CNIH3: variants seen among roughly 807,000 people sequenced by gnomAD.
The protein encoded by CNIH3 is cornichon family AMPA receptor auxiliary protein 3, also known as protein cornichon homolog 3.
In CNIH3, 14 loss-of-function variants were observed where a neutral mutation model predicts 24.1. The ratio of observed to expected loss-of-function variants is 0.58; its 90% CI spans 0.38 to 0.91. CNIH3 has a LOEUF of 0.91. Ranked by LOEUF, CNIH3 falls within the 40% of genes least tolerant of loss-of-function variation. The pLI is 0.00. For missense variants in CNIH3, 178 were observed against 196.8 expected, an observed-to-expected ratio of 0.90 and a Z score of 0.57; for synonymous variants, 68 against 73.8, an observed-to-expected ratio of 0.92 and a Z score of 0.40.
chr1:224,591,263 C>T (rs978520689), downstream of CNIH3, among the ~76,000 whole-genome samples: 22 of 152,286 alleles, frequency 1.4e-4, no homozygotes, highest in Admixed American at 1.4e-3. Context: ...AGCCACTGTT[C>T]TCTCAGTACT....
At chr1:224,524,804 C>A (rs1678781082) in intron 2 of CNIH3, among the ~76,000 whole-genome samples, 1 of 152,122 alleles carries the variant, frequency 6.6e-6, no homozygotes, top group Admixed American at 6.5e-5. Context: ...GTCTTCCCAA[C>A]CGAGATTGTG....
At chr1:224,570,495 A>AT (rs1329669521) in intron 4 of CNIH3, among the ~76,000 whole-genome samples, 1 of 152,158 alleles carries the variant, frequency 6.6e-6, no homozygotes, top group Non-Finnish European at 1.5e-5. Context: ...AAAGGACATG[A>AT]TTTTGTTCTT....
rs1036089101 is a variant in CNIH3, at chr1:224,647,341, C to T, written c.81+30086C>T. On this transcript the variant is annotated intron_variant, in intron 1 of 5. Coordinates refer to ENST00000272133, the MANE Select transcript of CNIH3 (RefSeq NM_152495.2). Reference sequence around the variant, plus strand: ...TAATTAAAGGGGGCTTGAATTCCTCCGATAAAAAGTTTATTCTTCAGACCA... The same window carrying T: ...TAATTAAAGGGGGCTTGAATTCCTCTGATAAAAAGTTTATTCTTCAGACCA... Among the ~76,000 whole-genome samples, 12 of 152,150 alleles carry T rather than the reference C, an allele frequency of 7.9e-5. No homozygotes were observed. In the South Asian group the frequency reaches 1.0e-3, roughly 13 times the overall value.
At chr1:224,462,573 A>G (rs935533100) in intron 1 of CNIH3, among the ~76,000 whole-genome samples, 3 of 150,728 alleles carry the variant, frequency 2.0e-5, no homozygotes, top group Non-Finnish European at 4.4e-5. Context: ...GCCTCAAGCA[A>G]TCCGCCCGCC....
Position 224,739,382 on chromosome 1 carries a change from G to A in CNIH3, c.*26G>A, listed in dbSNP as rs148695032. 6.4e-7 allele frequency: 1 copy of A among 1,565,224 alleles called. No homozygotes were observed. The highest frequency in any genetic ancestry group is 8.6e-7 in the Non-Finnish European group (1 of 1,156,784). On this transcript the variant is annotated 3_prime_UTR_variant, in exon 6 of 6. Coordinates refer to ENST00000272133, the MANE Select transcript of CNIH3 (RefSeq NM_152495.2). The stretch of plus-strand genomic sequence containing the variant: ...CGCAAAGACCATGCACATCATCAGA[G>A]ACTGAGATGGGAGAGGCCTGAGACG...
intron 1 of CNIH3, among the ~76,000 whole-genome samples, chr1:224,502,885 G>A (rs538528516): frequency 2.4e-4 from 36 of 152,322 alleles, no homozygotes; most frequent in Middle Eastern, 3.4e-3. Flanking sequence ...GTGGAGGGAA[G>A]GGTGAGATGT....
chr1:224,641,885 T>C (rs1012694259), intron 1 of CNIH3, among the ~76,000 whole-genome samples: 2 of 152,224 alleles, frequency 1.3e-5, no homozygotes, highest in Non-Finnish European at 2.9e-5. Flanking sequence ...TCAAGTTGTA[T>C]TTGTAAAACT....
intron 3 of CNIH3, among the ~76,000 whole-genome samples, chr1:224,688,893 C>G (rs924866177): frequency 7.3e-5 from 11 of 150,710 alleles, no homozygotes; most frequent in East Asian, 3.9e-4. Flanking sequence ...CCATTGCACT[C>G]CAGCCTGGGC....
intron 3 of CNIH3, among the ~76,000 whole-genome samples, chr1:224,700,408 A>G (rs1457141982): frequency 6.6e-6 from 1 of 152,198 alleles, no homozygotes; most frequent in Non-Finnish European, 1.5e-5. Context: ...CTGCAACAGG[A>G]TCTCTGCACT....
At chr1:224,615,502 T>C (rs1452575224), upstream of CNIH3, 2 of 152,224 alleles carry the variant, frequency 1.3e-5, no homozygotes, top group African/African-American at 4.8e-5. Context: ...TTTACTTATG[T>C]TCCCTTTTAA....
chr1:224,602,744 C>T (rs1682257410), intron 3 of CNIH3, among the ~76,000 whole-genome samples: 1 of 152,086 alleles, frequency 6.6e-6, no homozygotes, highest in Admixed American at 6.5e-5. Flanking sequence ...CAACAAAAAC[C>T]AGTATATTTT....
At chr1:224,466,035 A>C (rs1314198912) in intron 1 of CNIH3, among the ~76,000 whole-genome samples, 3 of 152,200 alleles carry the variant, frequency 2.0e-5, no homozygotes, top group Admixed American at 2.0e-4. Context: ...TCTCAAAAAA[A>C]CACAAAAAAC....
intron 1 of CNIH3, among the ~76,000 whole-genome samples, chr1:224,660,878 C>A (rs1320556950): frequency 1.3e-5 from 2 of 152,160 alleles, no homozygotes; most frequent in African/African-American, 4.8e-5. Context: ...TGTTAGTGTA[C>A]AATCTTGTCC....
intron 5 of CNIH3, chr1:224,587,540 A>G (rs1373928595): frequency 6.6e-6 from 1 of 152,244 alleles, no homozygotes; most frequent in African/African-American, 2.4e-5. Flanking sequence ...AAATGAGTGC[A>G]TGTTTACCTG....
chr1:224,571,270 T>TA (rs1385858729), intron 4 of CNIH3, among the ~76,000 whole-genome samples: 2 of 152,234 alleles, frequency 1.3e-5, no homozygotes, highest in Non-Finnish European at 2.9e-5. Flanking sequence ...AGAGTGGCCC[T>TA]AATGCAAGAT....
At chr1:224,502,124 G>T (rs1299475532) in intron 1 of CNIH3, among the ~76,000 whole-genome samples, 1 of 152,154 alleles carries the variant, frequency 6.6e-6, no homozygotes, top group African/African-American at 2.4e-5. Flanking sequence ...CAGAACCCAG[G>T]AGTGCTGCAG....
At chr1:224,690,974 G>C (rs1686903040) in intron 3 of CNIH3, among the ~76,000 whole-genome samples, 1 of 152,216 alleles carries the variant, frequency 6.6e-6, no homozygotes, top group South Asian at 2.1e-4. Context: ...TGTGAAGTGA[G>C]GCTGCCAGTA....
At chr1:224,626,968 T>G (rs950851124) in intron 1 of CNIH3, among the ~76,000 whole-genome samples, 15 of 152,182 alleles carry the variant, frequency 9.9e-5, no homozygotes, top group African/African-American at 3.6e-4. Flanking sequence ...GTGGGTTGTT[T>G]GTTCTTCTCC....
intron 1 of CNIH3, chr1:224,435,182 C>T: frequency 3.0e-6 from 3 of 986,474 alleles, no homozygotes; most frequent in Non-Finnish European, 3.6e-6. Context: ...CCATCAGGTG[C>T]AGAAGGTGAG....
Sources: allele counts gnomAD v4.1 joint callset (sites outside exome capture counted in the v4.1 genomes callset), GRCh38; gene constraint gnomAD v4.1.1; transcripts MANE v1.5; gene names NCBI Gene and HGNC (gene_info 2026-07-23, HGNC 2026-07-21).